Variants in IGSF9B observed in about 807,000 individuals in gnomAD.
IGSF9B encodes the protein protein turtle homolog B.
In IGSF9B, 48 loss-of-function variants were observed where a neutral mutation model predicts 143.7. The observed-to-expected ratio is 0.33, with a 90% CI of 0.26 to 0.42. IGSF9B has a LOEUF of 0.42. IGSF9B is among the 20% of genes least tolerant of loss of function. The probability of loss-of-function intolerance (pLI) is 1.00; values close to 1 mark genes in which losing one functional copy is unlikely to be tolerated. For missense variants in IGSF9B, 1,706 were observed against 1,980.0 expected (o/e 0.86, Z 2.63); for synonymous variants, 903 against 833.1 (o/e 1.08, Z -1.44).
intron 1 of IGSF9B, among the ~76,000 whole-genome samples, chr11:133,946,678 T>C (rs951270775): frequency 6.6e-6 from 1 of 152,122 alleles, no homozygotes; most frequent in African/African-American, 2.4e-5. Flanking sequence ...ACTGCCCAGT[T>C]GTGGCCGCTC....
In IGSF9B at chr11:133,920,976, A is replaced by G. The variant is rs1255553093; in HGVS notation, c.2749T>C (p.Ser917Pro). The G allele has an allele frequency of 6.2e-7, 1 of 1,610,502 alleles. No individual in the cohort carries two copies. Among genetic ancestry groups the G allele is most frequent in the Admixed American group, 1.7e-5 (1 of 59,944 alleles). The part of the protein sequence containing the change: ...ALKSQLTPLS[S>P]SQESYLPPPA... ...GGTGGCAGGTAGGACTCCTGGCTGG[A>G]TGACAGAGGGGTGAGCTGGGACTTC... The change falls in exon 18 of 20, where the codon TCC becomes CCC. Residue 917 changes from serine to proline, a missense_variant. By Grantham distance (74) the Ser-to-Pro change is moderately conservative. Transcript: ENST00000533871.
At chr11:133,933,943 T>C (rs1939777172) in intron 7 of IGSF9B, among the ~76,000 whole-genome samples, 1 of 152,020 alleles carries the variant, frequency 6.6e-6, no homozygotes, top group Admixed American at 6.5e-5. Flanking sequence ...CAGGCCGAGT[T>C]ATATATTTAG....
chr11:133,917,551 T>C (rs1386093398), intron 18 of IGSF9B, among the ~76,000 whole-genome samples: 1 of 152,078 alleles, frequency 6.6e-6, no homozygotes, highest in African/African-American at 2.4e-5. Flanking sequence ...GAAAGCAATG[T>C]GGACCCAAGG....
chr11:133,915,905 G>C (rs1375908889), intron 18 of IGSF9B, among the ~76,000 whole-genome samples: 2 of 152,206 alleles, frequency 1.3e-5, no homozygotes, highest in African/African-American at 2.4e-5. Context: ...GCAAGGGAAA[G>C]GGTGGGCCCA....
In IGSF9B at chr11:133,946,095, G is replaced by A. The variant is rs780675585; in HGVS notation, c.228C>T (p.Gly76=). ...CAGGGTCCACGTGCGGCGGGTAGTA[G>A]CCAAACTTGATGAAGATAGGGATGG... ...GVPIPIFIKF[G]YYPPHVDPEY... The change falls in exon 2 of 20, where the codon GGC becomes GGT. Residue 76 remains glycine (G), a synonymous_variant. Coordinates refer to ENST00000533871, the MANE Select transcript of IGSF9B (RefSeq NM_001277285.4). The A allele has an allele frequency of 1.9e-6, 3 of 1,602,800 alleles. No individual in the cohort carries two copies. Among genetic ancestry groups the A allele is most frequent in the Middle Eastern group, 1.7e-4 (1 of 6,040 alleles).
intron 1 of IGSF9B, among the ~76,000 whole-genome samples, chr11:133,946,763 C>T (rs1240736010): frequency 1.3e-5 from 2 of 152,216 alleles, no homozygotes; most frequent in African/African-American, 4.8e-5. Flanking sequence ...AGCCAGCCTT[C>T]CTCCTCCACC....
chr11:133,902,721 G>A lies in IGSF9B; in HGVS notation c.*6348C>T, dbSNP rs139172112. On this transcript the variant is annotated 3_prime_UTR_variant, in exon 20 of 20. Coordinates refer to ENST00000533871, the MANE Select transcript of IGSF9B (RefSeq NM_001277285.4). Reference sequence around the variant, plus strand: ...CCTTCTCCAGCCCTGCCAGGACACCGTCGGCCATGGCACACCTCTCGTTGT... The same window carrying A: ...CCTTCTCCAGCCCTGCCAGGACACCATCGGCCATGGCACACCTCTCGTTGT... Among the ~76,000 whole-genome samples the A allele has an allele frequency of 1.1e-4, 17 of 152,284 alleles. No homozygotes were observed. In the East Asian group the frequency reaches 1.2e-3, roughly 10 times the overall value.
At chr11:133,919,444 G>A (rs1344966973) in intron 18 of IGSF9B, among the ~76,000 whole-genome samples, 1 of 152,214 alleles carries the variant, frequency 6.6e-6, no homozygotes, top group Non-Finnish European at 1.5e-5. Flanking sequence ...ACCCCCGCAA[G>A]GGCACGCGCT....
At chr11:133,918,216 G>A (rs1198060543) in intron 18 of IGSF9B, among the ~76,000 whole-genome samples, 4 of 147,146 alleles carry the variant, frequency 2.7e-5, no homozygotes, top group Non-Finnish European at 6.0e-5. Context: ...AGCCCCGTCC[G>A]CCTGCCCGCC....
rs375653574 is a variant in IGSF9B, at chr11:133,920,676, C to G, written c.3049G>C (p.Gly1017Arg). 10 of 1,613,410 alleles carry G rather than the reference C, an allele frequency of 6.2e-6. No homozygotes were observed. The African/African-American group carries it at 1.2e-4, about 19-fold the overall frequency. The change falls in exon 18 of 20, where the codon GGA (glycine) becomes CGA (arginine). Residue 1017 changes from glycine to arginine, a missense_variant. Physicochemically the swap from Gly to Arg is moderately radical, Grantham distance 125 (BLOSUM62 -2). Around this residue, in one of 7 missense-constraint regions of IGSF9B, gnomAD observed 880 missense variants for 762.9 expected, o/e 1.15. Coordinates refer to ENST00000533871, the MANE Select transcript of IGSF9B (RefSeq NM_001277285.4). ...FGHPTIPEEN[G>R]ENASNSTLPL... ...AGCGTGCTGTTGGATGCATTCTCTC[C>G]ATTCTCCTCGGGGATGGTGGGGTGG...
chr11:133,948,056 C>CGCGTGT lies in IGSF9B; in HGVS notation c.65-1799_65-1798insACACGC, dbSNP rs1940088788. Among the ~76,000 whole-genome samples, 1 of 147,186 alleles carries CGCGTGT rather than the reference C, an allele frequency of 6.8e-6. No homozygotes were observed. The highest frequency in any genetic ancestry group is 2.6e-5 in the African/African-American group (1 of 39,074). The stretch of plus-strand genomic sequence containing the variant: ...CTGTTTCTGTCTACCAGCATGTGTG[C>CGCGTGT]GTGTGTGTGTGTGTGTGTGTGTGTG... On this transcript the variant is annotated intron_variant, in intron 1 of 19. Coordinates refer to ENST00000533871, the MANE Select transcript of IGSF9B (RefSeq NM_001277285.4). This position sits in a 1 kb window ranked among gnomAD's most constrained non-coding sequence, Gnocchi z 4.7.
intron 1 of IGSF9B, among the ~76,000 whole-genome samples, chr11:133,952,765 A>G (rs756047070): frequency 6.0e-5 from 9 of 150,424 alleles, no homozygotes; most frequent in East Asian, 5.8e-4. Flanking sequence ...ATATAGGAAC[A>G]TGTGTGTATG....
chr11:133,935,618 C>T lies in IGSF9B; in HGVS notation c.966G>A (p.Gln322=), dbSNP rs758317351. ...SPSASAYLTV[Q]YPARVLNMPP... ...AGGCTCCCCTGCACCCCTACTCACA[C>T]TGCACGGTCAGGTACGCCGAGGCGG... The change falls in exon 7 of 20, where the codon CAG becomes CAA. Residue 322 remains glutamine, a splice_region_variant and synonymous_variant. Transcript: ENST00000533871. 2 of 1,609,766 alleles carry T rather than the reference C, an allele frequency of 1.2e-6. No individual in the cohort carries two copies. Among genetic ancestry groups the T allele is most frequent in the Admixed American group, 1.7e-5 (1 of 59,650 alleles).
At position 133,924,854 on chromosome 11, in the gene IGSF9B, G is replaced by A. The variant is rs760610220; in HGVS notation, c.2085C>T (p.Ser695=). 1.6e-5 allele frequency: 26 copies of A among 1,613,684 alleles called. No homozygotes were observed. The highest frequency in any genetic ancestry group is 1.6e-4 in the Middle Eastern group (1 of 6,062). The part of the protein sequence containing the change: ...RVLAVMQDLI[S]EPSNIAGVSS... ...AGACGCCGGCGATGTTGCTGGGCTC[G>A]CTGATCAGATCCTGCATGACGGCCA... The change falls in exon 15 of 20, where the codon AGC becomes AGT. Residue 695 remains serine (S), a synonymous_variant. Transcript: ENST00000533871.
chr11:133,950,865 A>G (rs1327040748), intron 1 of IGSF9B, among the ~76,000 whole-genome samples: 1 of 130,862 alleles, frequency 7.6e-6, no homozygotes. Flanking sequence ...TCCTTATTGC[A>G]GCCTCCTCCT....
chr11:133,924,442 G>A (rs879713665), intron 15 of IGSF9B, among the ~76,000 whole-genome samples: 1 of 152,182 alleles, frequency 6.6e-6, no homozygotes, highest in Non-Finnish European at 1.5e-5. Context: ...ACAAGCATTT[G>A]ATAAACATGG....
intron 1 of IGSF9B, among the ~76,000 whole-genome samples, chr11:133,955,536 G>T (rs1039798529): frequency 6.6e-6 from 1 of 152,164 alleles, no homozygotes; most frequent in Non-Finnish European, 1.5e-5. Flanking sequence ...GTTCTCTGTC[G>T]GCGAGTCCTG....
rs1487163171 is a variant in IGSF9B, at chr11:133,912,272, A to G, written c.3984-265T>C. 3 of 624,986 alleles carry G rather than the reference A, an allele frequency of 4.8e-6. No individual in the cohort carries two copies. In the Admixed American group the frequency reaches 6.3e-5, roughly 13 times the overall value. The allele number at this position is 624,986 out of a possible 1,614,324, so 38.7% of individuals were successfully genotyped here. Reference sequence around the variant, plus strand: ...TCAGAAGACCCTAGCAAAGGCAGACAGAGAGATTTTAATAGTAAGCACCTT... The same window carrying G: ...TCAGAAGACCCTAGCAAAGGCAGACGGAGAGATTTTAATAGTAAGCACCTT... On this transcript the variant is annotated intron_variant, in intron 18 of 19. Coordinates refer to ENST00000533871, the MANE Select transcript of IGSF9B (RefSeq NM_001277285.4).
rs1020461247 is a variant in IGSF9B at position 133,937,862 on chromosome 11, A to T, written c.509T>A (p.Ile170Asn). The T allele has an allele frequency of 6.2e-7, 1 of 1,611,478 alleles. No homozygotes were observed. The stretch of plus-strand genomic sequence containing the variant: ...CGTCCCCTCCTTGAGCCAGGTGACA[A>T]TGGGCTTGGGGTTCCCAAAAGCTGT... ...TCTAFGNPKPIVTWLKEGTLL... is the reference protein window; with the variant it reads ...TCTAFGNPKPNVTWLKEGTLL... Residue 170 changes from isoleucine to asparagine, a missense_variant, in exon 4 of 20, where the codon ATT becomes AAT. Coordinates refer to ENST00000533871, the MANE Select transcript of IGSF9B (RefSeq NM_001277285.4).
Sources: allele counts gnomAD v4.1 joint callset (sites outside exome capture counted in the v4.1 genomes callset), GRCh38; gene constraint gnomAD v4.1.1; regional missense constraint gnomAD v4.1.1; non-coding constraint Gnocchi (gnomAD v3.1); transcripts MANE v1.5; gene names NCBI Gene and HGNC (gene_info 2026-07-23, HGNC 2026-07-21).